The following CNST variants were observed in gnomAD, a reference collection of about 807,000 sequenced individuals.
CNST encodes the protein consortin.
A neutral mutation model predicts 72.4 loss-of-function variants in CNST; 39 were observed. That is an observed-to-expected ratio of 0.54 (90% CI 0.42 to 0.70). The LOEUF (loss-of-function observed/expected upper bound fraction) is 0.70. Among genes scored for constraint, CNST ranks in the 30% least tolerant of loss-of-function variants. The probability of loss-of-function intolerance (pLI) is 0.00; values close to 1 mark genes in which losing one functional copy is unlikely to be tolerated. For missense variants in CNST, 871 were observed against 868.5 expected (o/e 1.00, Z -0.04); for synonymous variants, 332 against 320.1 (o/e 1.04, Z -0.40).
intron 9 of CNST, among the ~76,000 whole-genome samples, chr1:246,652,750 A>G (rs575596827): frequency 1.3e-5 from 2 of 151,938 alleles, no homozygotes; most frequent in African/African-American, 2.4e-5. Context: ...CACGCCTGTA[A>G]TCCCAGCACT....
chr1:246,631,872 G>C (rs774218252), intron 3 of CNST, 22 bp from the exon 4 acceptor site: 1 of 1,449,532 alleles, frequency 6.9e-7, no homozygotes, highest in Non-Finnish European at 9.6e-7. Context: ...AATTTTCTCT[G>C]TGTTTTCTTT....
intron 6 of CNST, among the ~76,000 whole-genome samples, chr1:246,640,155 A>G (rs1354141437): frequency 6.6e-6 from 1 of 152,218 alleles, no homozygotes; most frequent in Non-Finnish European, 1.5e-5. Context: ...ACTCAGTAAA[A>G]GGTCAACTTT....
chr1:246,578,523 T>C (rs1204374177), intron 1 of CNST, among the ~76,000 whole-genome samples: 1 of 151,948 alleles, frequency 6.6e-6, no homozygotes. Context: ...TACAAAAAAT[T>C]AGCTGGGTGT....
At chr1:246,626,995 C>G (rs1251825901) in intron 3 of CNST, among the ~76,000 whole-genome samples, 1 of 152,180 alleles carries the variant, frequency 6.6e-6, no homozygotes, top group African/African-American at 2.4e-5. Context: ...AACAGCAAGT[C>G]CTGCAGATCT....
chr1:246,652,285 A>G (rs1666486076), intron 9 of CNST, among the ~76,000 whole-genome samples: 1 of 152,142 alleles, frequency 6.6e-6, no homozygotes, highest in Non-Finnish European at 1.5e-5. Flanking sequence ...CTAGCATCCA[A>G]ACTTGAACGA....
chr1:246,607,150 A>G (rs1161410530), intron 2 of CNST: 1 of 151,942 alleles, frequency 6.6e-6, no homozygotes, highest in African/African-American at 2.4e-5. Flanking sequence ...TTATCAGTCC[A>G]CTTGCGGGAT....
intron 1 of CNST, among the ~76,000 whole-genome samples, chr1:246,584,609 T>C (rs544179129): frequency 6.6e-6 from 1 of 152,130 alleles, no homozygotes; most frequent in Non-Finnish European, 1.5e-5. Flanking sequence ...CATGATGAGA[T>C]TGATTTGAAG....
At chr1:246,601,940 TA>T (rs1232854877) in intron 2 of CNST, among the ~76,000 whole-genome samples, 10 of 152,194 alleles carry the variant, frequency 6.6e-5, no homozygotes, top group African/African-American at 2.4e-4. Flanking sequence ...AGTTTTGAAG[TA>T]TTACCTCTTG....
chr1:246,581,332 C>G (rs1166713205), intron 1 of CNST, among the ~76,000 whole-genome samples: 2 of 152,136 alleles, frequency 1.3e-5, no homozygotes, highest in African/African-American at 4.8e-5. Flanking sequence ...ATGGCGCAAT[C>G]TTGGCTCACT....
chr1:246,606,674 C>G (rs191578544), intron 2 of CNST: 1 of 150,956 alleles, frequency 6.6e-6, no homozygotes, highest in Non-Finnish European at 1.5e-5. Flanking sequence ...GTGGCAGGAC[C>G]GTAATATTCG....
intron 2 of CNST, among the ~76,000 whole-genome samples, chr1:246,601,709 A>G (rs181793222): frequency 1.5e-3 from 234 of 152,290 alleles, no homozygotes; most frequent in African/African-American, 5.5e-3. Flanking sequence ...CGGGAGAAAC[A>G]CTTCAACCTG....
At chr1:246,611,251 T>C (rs970663132) in intron 2 of CNST, among the ~76,000 whole-genome samples, 1 of 152,216 alleles carries the variant, frequency 6.6e-6, no homozygotes. Context: ...ACATTGCCTT[T>C]CTCTTGATTC....
intron 2 of CNST, among the ~76,000 whole-genome samples, chr1:246,608,294 C>G (rs1663055641): frequency 6.6e-6 from 1 of 152,120 alleles, no homozygotes; most frequent in Admixed American, 6.5e-5. Context: ...TTTGTATGAT[C>G]CTGCCACTGT....
At chr1:246,578,535 G>A (rs1483554284) in intron 1 of CNST, among the ~76,000 whole-genome samples, 4 of 152,082 alleles carry the variant, frequency 2.6e-5, no homozygotes, top group Non-Finnish European at 5.9e-5. Flanking sequence ...GCTGGGTGTG[G>A]TGGCACGTGC....
intron 1 of CNST, among the ~76,000 whole-genome samples, chr1:246,568,822 A>G (rs1659883469): frequency 6.6e-6 from 1 of 152,074 alleles, no homozygotes; most frequent in Non-Finnish European, 1.5e-5. Flanking sequence ...TCCGACCTCC[A>G]CCTCTCAAAG....
chr1:246,644,827 G>A (rs1008321169), intron 8 of CNST, among the ~76,000 whole-genome samples: 8 of 152,202 alleles, frequency 5.3e-5, no homozygotes, highest in African/African-American at 1.9e-4. Flanking sequence ...TGGGTACCTG[G>A]AATTCATGGA....
intron 2 of CNST, among the ~76,000 whole-genome samples, chr1:246,617,648 C>A (rs994698787): frequency 1.3e-5 from 2 of 152,310 alleles, no homozygotes; most frequent in Admixed American, 6.5e-5. Context: ...GTAGGTGAAG[C>A]ATGCTGAGAA....
chr1:246,666,146 TCTC>T lies in CNST; in HGVS notation c.*248_*250del, dbSNP rs572954443. 6.1e-5 allele frequency: 29 copies of T among 478,478 alleles called. No individual in the cohort carries two copies. Among genetic ancestry groups the T allele is most frequent in the African/African-American group, 5.2e-4 (27 of 51,748 alleles). The allele number at this position is 478,478 out of a possible 1,614,324, so 29.6% of individuals were successfully genotyped here. A position where few individuals can be genotyped will look rare whatever the true frequency, so the allele number is the denominator to read the frequency against. The stretch of plus-strand genomic sequence containing the variant: ...ATGGTCTTTGGAGAGAGCATATCCA[TCTC>T]CTCCTCACTGCCTCCTAATGTCATG... On this transcript the variant is annotated 3_prime_UTR_variant, in exon 11 of 11. Transcript: ENST00000366513.
Position 246,566,578 on chromosome 1 carries a change from C to T in CNST, c.-137C>T, listed in dbSNP as rs533061254. On this transcript the variant is annotated 5_prime_UTR_variant, in exon 1 of 11. Transcript: ENST00000366513. Reference sequence around the variant, plus strand: ...GGGGAGACCCGAGCAAGCTCCGTGACAGCACGTCGGCCGCCATGTCGCCGA... The same window carrying T: ...GGGGAGACCCGAGCAAGCTCCGTGATAGCACGTCGGCCGCCATGTCGCCGA... 2 of 404,590 alleles carry T rather than the reference C, an allele frequency of 4.9e-6. No homozygotes were observed. The highest frequency in any genetic ancestry group is 4.1e-5 in the Admixed American group (1 of 24,184). The allele number at this position is 404,590 out of a possible 1,614,324, so 25.1% of individuals were successfully genotyped here. A position where few individuals can be genotyped will look rare whatever the true frequency, so the allele number is the denominator to read the frequency against.
Sources: allele counts gnomAD v4.1 joint callset (sites outside exome capture counted in the v4.1 genomes callset), GRCh38; gene constraint gnomAD v4.1.1; transcripts MANE v1.5; gene names NCBI Gene and HGNC (gene_info 2026-07-23, HGNC 2026-07-21).